The following ANK2 variants were observed in gnomAD, a reference collection of about 807,000 sequenced individuals.
ANK2 encodes ankyrin 2, also known as ankyrin-2.
ANK2 carries 83 observed loss-of-function variants against 360.5 expected under a neutral mutation model. The observed-to-expected ratio is 0.23, with a 90% CI of 0.19 to 0.28. The LOEUF is 0.28. Ranked by LOEUF, ANK2 falls within the 10% of genes least tolerant of loss-of-function variation. The pLI is 1.00. For synonymous variants in ANK2, 1,740 were observed against 1,759.5 expected, an observed-to-expected ratio of 0.99 and a Z score of 0.28; for missense variants, 4,201 against 4,795.7, an observed-to-expected ratio of 0.88 and a Z score of 3.66.
chr4:113,154,532 A>T (rs9307388), intron 1 of ANK2, among the ~76,000 whole-genome samples: 19,623 of 152,184 alleles, frequency 0.13, 2,235 homozygotes, highest in East Asian at 0.46. Context: ...ATGAGAGATG[A>T]TTAACAAAAT....
chr4:113,262,740 G>A (rs2053659378), intron 13 of ANK2, among the ~76,000 whole-genome samples: 1 of 150,368 alleles, frequency 6.7e-6, no homozygotes, highest in South Asian at 2.1e-4. Context: ...AAGTAATATA[G>A]AGCTGAATTA....
In ANK2 at chr4:113,356,539, G is replaced by A; in HGVS notation, c.7921G>A (p.Gly2641Ser). ...AGATGTGGATGAACCAAAACATACAGGCAGTGGGGAGGATGAAAGTGGTGT... is the reference window on the plus strand; with the variant it reads ...AGATGTGGATGAACCAAAACATACAAGCAGTGGGGAGGATGAAAGTGGTGT... ...SVDVDEPKHT[G>S]SGEDESGVPV... The change falls in exon 38 of 46, where the codon GGC becomes AGC. Residue 2641 changes from glycine (G) to serine (S), a missense_variant. Gly to Ser is a moderately conservative substitution (Grantham distance 56). Around this residue, in one of 4 missense-constraint regions of ANK2, gnomAD observed 2,642 missense variants for 2,714.5 expected, o/e 0.97. Transcript: ENST00000357077. 2 of 1,614,160 alleles carry A rather than the reference G, an allele frequency of 1.2e-6. No homozygotes were observed. Among genetic ancestry groups the A allele is most frequent in the Non-Finnish European group, 1.7e-6 (2 of 1,180,008 alleles).
At chr4:113,128,044 AAC>A (rs1008374671) in intron 1 of ANK2, among the ~76,000 whole-genome samples, 16 of 152,228 alleles carry the variant, frequency 1.1e-4, no homozygotes, top group Non-Finnish European at 4.4e-5. Flanking sequence ...GGAAAGTAAA[AAC>A]ACATTGCTTT....
the ANK2 span, among the ~76,000 whole-genome samples, chr4:112,724,046 T>C: frequency 6.6e-6 from 1 of 151,808 alleles, no homozygotes; most frequent in Non-Finnish European, 1.5e-5. Flanking sequence ...TGAGTACTAA[T>C]GCTAATACAG....
chr4:112,826,447 G>A (rs2058425673), intron 1 of ANK2: 7 of 1,058,878 alleles, frequency 6.6e-6, no homozygotes, highest in East Asian at 2.4e-5. Flanking sequence ...GAATCTTCAG[G>A]TGCAGCTATT....
chr4:112,736,922 A>G, the ANK2 span, among the ~76,000 whole-genome samples: 4 of 152,206 alleles, frequency 2.6e-5, no homozygotes, highest in African/African-American at 2.4e-5. Flanking sequence ...AAGGAGCACA[A>G]TTACATTGTT....
chr4:113,255,957 A>T, intron 11 of ANK2, 25 bp downstream of exon 11: 1 of 1,608,540 alleles, frequency 6.2e-7, no homozygotes, highest in Non-Finnish European at 8.5e-7. Flanking sequence ...GTCCACATTA[A>T]CTGAATACAG....
rs2154240592 is a variant in ANK2 at position 112,934,560 on chromosome 4, C to T, written c.21+30046C>T. Among the ~76,000 whole-genome samples the T allele has an allele frequency of 1.3e-5, 2 of 152,220 alleles. 1 individual carries two copies. On this transcript the variant is annotated intron_variant, in intron 2 of 30. Transcript: ENST00000503271. ...TTATTAGATTCCACGACCACATTTC[C>T]TCTTTCAGCCCCGCTTCCTCTCCTC...
At position 113,113,948 on chromosome 4, in the gene ANK2, G is replaced by A. The variant is rs1214064457; in HGVS notation, c.85-60468G>A. Among the ~76,000 whole-genome samples the A allele has an allele frequency of 2.6e-5, 4 of 152,244 alleles. No homozygotes were observed. The South Asian group carries it at 6.2e-4, about 24-fold the overall frequency. ...AATAAGCTAGTTATAAAGAGGCAAA[G>A]TTACCACTCTGTGTAGGAATGTCTA... On this transcript the variant is annotated intron_variant, in intron 1 of 45. Coordinates refer to ENST00000357077, the MANE Select transcript of ANK2 (RefSeq NM_001148.6).
At chr4:113,080,337 A>G (rs2081905516) in intron 1 of ANK2, among the ~76,000 whole-genome samples, 1 of 152,238 alleles carries the variant, frequency 6.6e-6, no homozygotes, top group Non-Finnish European at 1.5e-5. Flanking sequence ...GTAACAAAGC[A>G]GTCTACATTG....
chr4:112,792,428 C>T, the ANK2 span, among the ~76,000 whole-genome samples: 1 of 152,102 alleles, frequency 6.6e-6, no homozygotes, highest in Admixed American at 6.5e-5. Context: ...GACCTAGTGA[C>T]AACTAAACAT....
intron 2 of ANK2, among the ~76,000 whole-genome samples, chr4:112,912,050 G>A (rs933129527): frequency 2.0e-5 from 3 of 152,120 alleles, no homozygotes; most frequent in Non-Finnish European, 2.9e-5. Flanking sequence ...GGTGGCGGGC[G>A]CCTGTAGTCC....
chr4:112,731,732 CAA>C, the ANK2 span, among the ~76,000 whole-genome samples: 21 of 132,186 alleles, frequency 1.6e-4, no homozygotes, highest in Admixed American at 3.1e-4. Context: ...GACCTTGTCT[CAA>C]AAAAAAAAAA....
chr4:113,096,195 T>G (rs1314725499), intron 1 of ANK2, among the ~76,000 whole-genome samples: 1 of 152,202 alleles, frequency 6.6e-6, no homozygotes, highest in Non-Finnish European at 1.5e-5. Context: ...GGTCTCCTTA[T>G]GAATTGCTCC....
chr4:113,279,572 A>G (rs1389719136), intron 17 of ANK2, among the ~76,000 whole-genome samples: 1 of 151,702 alleles, frequency 6.6e-6, no homozygotes, highest in Non-Finnish European at 1.5e-5. Flanking sequence ...AGGGAGATTT[A>G]TTCCACTTCT....
intron 1 of ANK2, chr4:112,826,414 C>A: frequency 9.7e-7 from 1 of 1,030,356 alleles, no homozygotes; most frequent in Non-Finnish European, 1.5e-6. Flanking sequence ...GTAACACTTT[C>A]CCTACCAGCA....
intron 2 of ANK2, among the ~76,000 whole-genome samples, chr4:112,905,727 T>A (rs941367294): frequency 3.3e-5 from 5 of 152,214 alleles, no homozygotes; most frequent in African/African-American, 1.2e-4. Flanking sequence ...AGTGGCACAA[T>A]CATGGCTCAG....
intron 1 of ANK2, among the ~76,000 whole-genome samples, chr4:113,079,902 T>A (rs1352542784): frequency 2.0e-5 from 3 of 151,356 alleles, no homozygotes; most frequent in African/African-American, 2.4e-5. Flanking sequence ...TGAGAATTTT[T>A]TTTTTTTTTT....
intron 2 of ANK2, among the ~76,000 whole-genome samples, chr4:112,931,238 C>T (rs2093189406): frequency 6.6e-6 from 1 of 151,994 alleles, no homozygotes; most frequent in South Asian, 2.1e-4. Context: ...AGAGCAGGGC[C>T]GTGGAGACCG....
Sources: allele counts gnomAD v4.1 joint callset (sites outside exome capture counted in the v4.1 genomes callset), GRCh38; gene constraint gnomAD v4.1.1; regional missense constraint gnomAD v4.1.1; transcripts MANE v1.5; gene names NCBI Gene and HGNC (gene_info 2026-07-23, HGNC 2026-07-21).